ERBB4: variants seen among roughly 807,000 people sequenced by gnomAD.
ERBB4 encodes the protein receptor tyrosine-protein kinase erbB-4.
A neutral mutation model predicts 158.0 loss-of-function variants in ERBB4; 42 were observed. The ratio of observed to expected loss-of-function variants is 0.27; its 90% confidence interval spans 0.21 to 0.34. The LOEUF is 0.34. ERBB4 is among the 10% of genes least tolerant of loss of function. The pLI is 1.00. For missense variants in ERBB4, 1,333 were observed against 1,624.1 expected (o/e 0.82, Z 3.08); for synonymous variants, 583 against 558.7 (o/e 1.04, Z -0.61).
At chr2:212,078,346 C>T (rs945043103) in intron 2 of ERBB4, among the ~76,000 whole-genome samples, 3 of 151,678 alleles carry the variant, frequency 2.0e-5, no homozygotes, top group Non-Finnish European at 2.9e-5. Flanking sequence ...CCTCTAGTCC[C>T]GATCAGATTT....
rs1320581883 is a variant in ERBB4, at chr2:211,963,580, T to C, written c.235-15964A>G. Among the ~76,000 whole-genome samples, 8 of 152,246 alleles carry C rather than the reference T, an allele frequency of 5.3e-5. No individual in the cohort carries two copies. In the South Asian group the frequency reaches 1.7e-3, roughly 32 times the overall value. On this transcript the variant is annotated intron_variant, in intron 2 of 27. Transcript: ENST00000342788. ...GATGGACAGTGGATGGATAGATAAA[T>C]AAATATCTATTTATAAGGGTAAATA...
At chr2:211,562,384 C>A (rs2067420798) in intron 19 of ERBB4, among the ~76,000 whole-genome samples, 1 of 152,172 alleles carries the variant, frequency 6.6e-6, no homozygotes, top group Admixed American at 6.5e-5. Flanking sequence ...TGAGATTTTA[C>A]TTATTGCCAA....
intron 14 of ERBB4, among the ~76,000 whole-genome samples, chr2:211,672,629 G>A (rs1388280251): frequency 1.3e-5 from 2 of 152,108 alleles, no homozygotes; most frequent in Non-Finnish European, 2.9e-5. Flanking sequence ...TGCCACAACA[G>A]TTAAAGGATT....
At chr2:211,572,480 C>T (rs1259446940) in intron 19 of ERBB4, among the ~76,000 whole-genome samples, 5 of 152,122 alleles carry the variant, frequency 3.3e-5, no homozygotes, top group African/African-American at 9.7e-5. Flanking sequence ...CAACGGGCTA[C>T]GACGCTCCCT....
chr2:212,463,872 C>T (rs1688698865), intron 1 of ERBB4, among the ~76,000 whole-genome samples: 1 of 152,132 alleles, frequency 6.6e-6, no homozygotes. Flanking sequence ...TAAGTTTAAT[C>T]ACCTTGTCTA....
intron 19 of ERBB4, among the ~76,000 whole-genome samples, chr2:211,603,623 C>T (rs1215239191): frequency 6.6e-6 from 1 of 152,192 alleles, no homozygotes; most frequent in Non-Finnish European, 1.5e-5. Context: ...TCCTCCCTCT[C>T]CCTTTTATTA....
intron 3 of ERBB4, among the ~76,000 whole-genome samples, chr2:211,851,704 T>C (rs2077725607): frequency 6.6e-6 from 1 of 151,936 alleles, no homozygotes; most frequent in Non-Finnish European, 1.5e-5. Flanking sequence ...AGCCCTTGCC[T>C]TCAAAAGGTG....
At chr2:212,301,382 G>C (rs1027072579) in intron 1 of ERBB4, among the ~76,000 whole-genome samples, 1 of 150,892 alleles carries the variant, frequency 6.6e-6, no homozygotes, top group Non-Finnish European at 1.5e-5. Flanking sequence ...TTTTAAATAG[G>C]GTAAAATGAA....
chr2:211,552,423 T>C (rs559914364), intron 20 of ERBB4, among the ~76,000 whole-genome samples: 1 of 152,280 alleles, frequency 6.6e-6, no homozygotes, highest in East Asian at 1.9e-4. Flanking sequence ...TTTTAAAATT[T>C]TTTTTGGAAG....
In ERBB4 at chr2:211,920,869, C is replaced by T. The variant is rs1457746969; in HGVS notation, c.421+26561G>A. ...TATCTCATAGCCATATCCCTTTGAA[C>T]AACAGAGTGTGTTAAAGTACAGAGT... On this transcript the variant is annotated intron_variant, in intron 3 of 27. Coordinates refer to ENST00000342788, the MANE Select transcript of ERBB4 (RefSeq NM_005235.3). 2.0e-5 allele frequency among the ~76,000 whole-genome samples: 3 copies of T among 151,790 alleles called. No homozygotes were observed. The East Asian group carries it at 5.8e-4, about 29-fold the overall frequency.
At chr2:212,474,206 A>AT (rs547655901) in intron 1 of ERBB4, among the ~76,000 whole-genome samples, 17,734 of 146,732 alleles carry the variant, frequency 0.12, 1,173 homozygotes, top group Non-Finnish European at 0.16. Context: ...CAAAATAGTG[A>AT]TTTTTTTTTT....
intron 1 of ERBB4, among the ~76,000 whole-genome samples, chr2:212,361,211 T>C (rs1390272202): frequency 1.3e-5 from 2 of 151,668 alleles, no homozygotes; most frequent in Non-Finnish European, 3.0e-5. Flanking sequence ...TACAATGTAA[T>C]TGATAAAGCC....
At chr2:211,850,450 AACAT>A (rs1036769475) in intron 3 of ERBB4, among the ~76,000 whole-genome samples, 4 of 151,924 alleles carry the variant, frequency 2.6e-5, no homozygotes, top group Non-Finnish European at 4.4e-5. Flanking sequence ...TCTCTCAAAC[AACAT>A]ACAGTCAAGC....
At chr2:211,540,183 A>G (rs1045257348) in intron 20 of ERBB4, among the ~76,000 whole-genome samples, 7 of 100,246 alleles carry the variant, frequency 7.0e-5, no homozygotes, top group African/African-American at 2.6e-4. Context: ...CCTGACCTAC[A>G]TGATTTATAT....
At chr2:211,402,893 C>T (rs1301093298) in intron 25 of ERBB4, among the ~76,000 whole-genome samples, 1 of 152,002 alleles carries the variant, frequency 6.6e-6, no homozygotes, top group Non-Finnish European at 1.5e-5. Context: ...TAGTTAATTC[C>T]TGACAGCCGT....
intron 20 of ERBB4, among the ~76,000 whole-genome samples, chr2:211,492,163 G>A (rs1230928496): frequency 6.6e-6 from 1 of 152,106 alleles, no homozygotes; most frequent in Non-Finnish European, 1.5e-5. Flanking sequence ...AGGCTAGACT[G>A]CCTTGGGAGC....
chr2:211,803,779 A>C (rs1217868713), intron 3 of ERBB4, among the ~76,000 whole-genome samples: 1 of 152,214 alleles, frequency 6.6e-6, no homozygotes, highest in East Asian at 1.9e-4. Flanking sequence ...AATGATGAGC[A>C]AGCTCTTACT....
chr2:212,176,583 C>T (rs114108000), intron 1 of ERBB4, among the ~76,000 whole-genome samples: 6 of 152,056 alleles, frequency 3.9e-5, no homozygotes, highest in African/African-American at 1.4e-4. Flanking sequence ...TTTATTATAG[C>T]AGCCTGAGCA....
At chr2:211,526,533 A>G (rs1214829459) in intron 20 of ERBB4, among the ~76,000 whole-genome samples, 2 of 152,118 alleles carry the variant, frequency 1.3e-5, no homozygotes, top group African/African-American at 2.4e-5. Flanking sequence ...CCAAACTACA[A>G]AGACTAAAAT....
Sources: allele counts gnomAD v4.1 joint callset (sites outside exome capture counted in the v4.1 genomes callset), GRCh38; gene constraint gnomAD v4.1.1; transcripts MANE v1.5; gene names NCBI Gene and HGNC (gene_info 2026-07-23, HGNC 2026-07-21).